NOTCH2NLB: variants seen among roughly 807,000 people sequenced by gnomAD.
The protein encoded by NOTCH2NLB is notch 2 N-terminal like B, also known as notch homolog 2 N-terminal-like protein B.
NOTCH2NLB carries 1 observed loss-of-function variant against 14.8 expected under a neutral mutation model. That is an observed-to-expected ratio of 0.07 (90% confidence interval 0.02 to 0.32). NOTCH2NLB has a LOEUF of 0.32. Among genes scored for constraint, NOTCH2NLB ranks in the 10% least tolerant of loss-of-function variants. NOTCH2NLB has a pLI of 1.00. For synonymous variants in NOTCH2NLB, 6 were observed against 57.5 expected, an observed-to-expected ratio of 0.10 and a Z score of 4.05; for missense variants, 11 against 155.0, an observed-to-expected ratio of 0.07 and a Z score of 4.93.
chr1:148,637,100 G>A (rs1284212978), intron 2 of NOTCH2NLB, among the ~76,000 whole-genome samples: 4 of 127,188 alleles, frequency 3.1e-5, no homozygotes, highest in South Asian at 2.6e-4. Context: ...ACACAGTCTC[G>A]CTCTGTCGCT....
chr1:148,608,861 T>C lies in NOTCH2NLB; in HGVS notation c.338-1116A>G, dbSNP rs1264648921. On this transcript the variant is annotated intron_variant, in intron 3 of 4. Coordinates refer to ENST00000593495, the Ensembl canonical transcript of NOTCH2NLB. ...AGGAGGACAGAGGTCTTGAAGGTAT[T>C]CCGTGGACTTTCTCAAGTAGGAAAG... Among the ~76,000 whole-genome samples, 16 of 143,238 alleles carry C rather than the reference T, an allele frequency of 1.1e-4. 1 individual carries two copies. Among genetic ancestry groups the C allele is most frequent in the Admixed American group, 5.5e-4 (8 of 14,494 alleles). The allele number at this position is 143,238 out of a possible 152,430, so 94.0% of individuals were successfully genotyped here. A position where few individuals can be genotyped will look rare whatever the true frequency, so the allele number is the denominator to read the frequency against.
At chr1:148,606,546 AT>A (rs1663515887), downstream of NOTCH2NLB, among the ~76,000 whole-genome samples, 1 of 146,740 alleles carries the variant, frequency 6.8e-6, no homozygotes, top group Admixed American at 6.6e-5. Context: ...AGCTGCTTGT[AT>A]TCTGTTCCCA....
At chr1:148,651,138 G>A (rs1355761262) in intron 1 of NOTCH2NLB, among the ~76,000 whole-genome samples, 5 of 77,986 alleles carry the variant, frequency 6.4e-5, no homozygotes, top group Non-Finnish European at 1.2e-4. Context: ...GCAAGACTCT[G>A]CCTGAGAAAA....
At chr1:148,670,740 AT>A (rs1664763892) in intron 1 of NOTCH2NLB, among the ~76,000 whole-genome samples, 1 of 102,666 alleles carries the variant, frequency 9.7e-6, no homozygotes, top group African/African-American at 3.3e-5. Context: ...TATTACAAAA[AT>A]AAAAAAATCT....
chr1:148,651,158 A>T (rs1194150514), intron 1 of NOTCH2NLB, among the ~76,000 whole-genome samples: 233 of 80,732 alleles, frequency 2.9e-3, no homozygotes, highest in African/African-American at 0.01. Flanking sequence ...AAAAAAAAAA[A>T]AAAAATATAT....
rs1413431811 is a variant in NOTCH2NLB at position 148,613,177 on chromosome 1, G to A, written c.337+2514C>T. On this transcript the variant is annotated intron_variant, in intron 3 of 4. Coordinates refer to ENST00000593495, the Ensembl canonical transcript of NOTCH2NLB. ...TAAGTATCGTTAACTTTATGTAAGA[G>A]TGTTTCAGTTGGGGACTAGTGTGTT... Among the ~76,000 whole-genome samples the A allele has an allele frequency of 5.8e-3, 872 of 149,146 alleles. 11 individuals are homozygous for A. Among genetic ancestry groups the A allele is most frequent in the Non-Finnish European group, 9.5e-3 (640 of 67,120 alleles).
rs1450878591 is a variant in NOTCH2NLB at position 148,661,008 on chromosome 1, CTA to C, written c.3+18452_3+18453del. Among the ~76,000 whole-genome samples the C allele has an allele frequency of 2.1e-5, 3 of 145,562 alleles. 1 individual carries two copies. The highest frequency in any genetic ancestry group is 4.6e-5 in the Non-Finnish European group (3 of 65,368). On this transcript the variant is annotated intron_variant, in intron 1 of 4. Transcript: ENST00000593495. ...TTTGGGAACAAGGGGATGCAGAGGG[CTA>C]TGTTTTTTTCAGGTCTGACTTATCT...
At chr1:148,679,673 C>A in exon 1 of NOTCH2NLB, 2 of 1,026,664 alleles carry the variant, frequency 1.9e-6, no homozygotes, top group Admixed American at 1.1e-4. Flanking sequence ...GAAGCCCAGG[C>A]GCAAATGCCT....
intron 1 of NOTCH2NLB, among the ~76,000 whole-genome samples, chr1:148,649,664 C>T (rs1220747915): frequency 6.6e-6 from 1 of 151,800 alleles, no homozygotes; most frequent in Non-Finnish European, 1.5e-5. Flanking sequence ...GTGCCCGCCA[C>T]CACAACCGGC....
chr1:148,670,553 CATATATATATAT>C (rs1311446628), intron 1 of NOTCH2NLB, among the ~76,000 whole-genome samples: 1 of 104,232 alleles, frequency 9.6e-6, no homozygotes, highest in Admixed American at 9.3e-5. Context: ...TATATATATA[CATATATATATAT>C]ATATATATAT....
rs1363541110 is a variant in NOTCH2NLB, at chr1:148,625,883, CCT to C, written c.78-9935_78-9934del. 8.4e-5 allele frequency among the ~76,000 whole-genome samples: 6 copies of C among 71,264 alleles called. 1 individual carries two copies. Among genetic ancestry groups the C allele is most frequent in the South Asian group, 6.5e-4 (1 of 1,532 alleles). 46.8% of individuals were successfully genotyped at this position (71,264 alleles called of 152,430 possible). ...TTTCCTGCCCCCCTACTCTGTCCCC[CCT>C]GTTAAAGTAGATAAAAATAATTGCT... On this transcript the variant is annotated intron_variant, in intron 2 of 4. Coordinates refer to ENST00000593495, the Ensembl canonical transcript of NOTCH2NLB.
intron 3 of NOTCH2NLB, among the ~76,000 whole-genome samples, 195 bp from the exon 4 acceptor site, chr1:148,607,940 C>A (rs1261632243): frequency 7.2e-6 from 1 of 139,274 alleles, no homozygotes; most frequent in Non-Finnish European, 1.5e-5. Context: ...AGGACCTCAG[C>A]AGAGACACAA....
At chr1:148,609,104 T>G (rs1663603381) in intron 3 of NOTCH2NLB, among the ~76,000 whole-genome samples, 1 of 139,682 alleles carries the variant, frequency 7.2e-6, no homozygotes. Flanking sequence ...ATTATTATTA[T>G]TATTATTATA....
chr1:148,712,516 C>T, the NOTCH2NLB span, among the ~76,000 whole-genome samples: 1 of 152,302 alleles, frequency 6.6e-6, no homozygotes, highest in Non-Finnish European at 1.5e-5. Flanking sequence ...GAGATGGGCT[C>T]CCAGGGCACT....
chr1:148,648,638 C>T (rs1184537454), intron 1 of NOTCH2NLB, among the ~76,000 whole-genome samples: 1 of 138,720 alleles, frequency 7.2e-6, no homozygotes, highest in East Asian at 2.1e-4. Flanking sequence ...TCCATAGAGG[C>T]AGTAACCACA....
At chr1:148,615,089 T>C (rs1663772541) in intron 3 of NOTCH2NLB, among the ~76,000 whole-genome samples, 1 of 133,698 alleles carries the variant, frequency 7.5e-6, no homozygotes, top group Admixed American at 7.4e-5. Flanking sequence ...GGTGACAGTG[T>C]ACTTATTTCT....
chr1:148,610,329 GA>G (rs1267811909), intron 3 of NOTCH2NLB, among the ~76,000 whole-genome samples: 1 of 65,346 alleles, frequency 1.5e-5, no homozygotes, highest in African/African-American at 6.8e-5. Context: ...GAGAGAGAAA[GA>G]AAGAAAGAAA....
chr1:148,649,635 C>T (rs1386970022), intron 1 of NOTCH2NLB, among the ~76,000 whole-genome samples: 11 of 151,644 alleles, frequency 7.3e-5, no homozygotes, highest in South Asian at 2.1e-4. Flanking sequence ...CTCAGCCTCC[C>T]GAGTAGCTGG....
At chr1:148,610,308 A>G (rs1407982814) in intron 3 of NOTCH2NLB, among the ~76,000 whole-genome samples, 492 of 83,810 alleles carry the variant, frequency 5.9e-3, no homozygotes, top group Middle Eastern at 0.032. Context: ...AAAGAGAGAG[A>G]AAGAGAGAAA....
Sources: gnomAD v4.1 joint callset for allele counts (sites outside exome capture counted in the v4.1 genomes callset) on GRCh38, gnomAD v4.1.1 for gene constraint, MANE v1.5 for transcripts, NCBI Gene and HGNC (gene_info 2026-07-23, HGNC 2026-07-21) for gene names.